GRM7: variants seen among roughly 807,000 people sequenced by gnomAD.
GRM7 encodes the protein glutamate metabotropic receptor 7.
In GRM7, 35 loss-of-function variants were observed where a neutral mutation model predicts 84.5. The observed-to-expected ratio is 0.41, with a 90% CI of 0.32 to 0.55. GRM7 has a LOEUF of 0.55. Ranked by LOEUF, GRM7 falls within the 20% of genes least tolerant of loss-of-function variation. The pLI, the probability that GRM7 is intolerant of heterozygous loss-of-function variation, is 0.19. For synonymous variants in GRM7, 487 were observed against 455.1 expected, an observed-to-expected ratio of 1.07 and a Z score of -0.89; for missense variants, 1,003 against 1,194.6, an observed-to-expected ratio of 0.84 and a Z score of 2.36.
Position 7,357,184 on chromosome 3 carries a change from G to C in GRM7, c.1033+50532G>C, listed in dbSNP as rs147874747. Among the ~76,000 whole-genome samples the C allele has an allele frequency of 6.1e-3, 933 of 151,764 alleles. 6 individuals are homozygous for C. The highest frequency in any genetic ancestry group is 0.021 in the African/African-American group (881 of 41,406). ...ATAAAGGTTCTGTTTTCTAGCATAA[G>C]CATTTGTATAATCTAAACTCCAAGA... On this transcript the variant is annotated intron_variant, in intron 4 of 9. Transcript: ENST00000357716.
At chr3:7,237,048 T>C (rs910663299) in intron 2 of GRM7, among the ~76,000 whole-genome samples, 2 of 152,202 alleles carry the variant, frequency 1.3e-5, no homozygotes, top group African/African-American at 2.4e-5. Context: ...AGTGCTTGTG[T>C]ATATGTAAAC....
chr3:7,281,019 G>C (rs1177855537), intron 2 of GRM7, among the ~76,000 whole-genome samples: 1 of 152,156 alleles, frequency 6.6e-6, no homozygotes, highest in Non-Finnish European at 1.5e-5. Flanking sequence ...AAAAGTGTCT[G>C]TTCTTTCGTG....
At chr3:7,403,152 CT>C (rs1219818338) in intron 4 of GRM7, 7 of 445,884 alleles carry the variant, frequency 1.6e-5, no homozygotes, top group African/African-American at 1.4e-4. Flanking sequence ...GTTTGTCTGG[CT>C]TTCTTTCTGT....
Position 6,861,342 on chromosome 3 carries a change from A to T in GRM7, c.-47A>T. 2 of 1,450,720 alleles carry T rather than the reference A, an allele frequency of 1.4e-6. No homozygotes were observed. The highest frequency in any genetic ancestry group is 1.8e-6 in the Non-Finnish European group (2 of 1,109,900). The allele number at this position is 1,450,720 out of a possible 1,614,324, so 89.9% of individuals were successfully genotyped here. A position where few individuals can be genotyped will look rare whatever the true frequency, so the allele number is the denominator to read the frequency against. ...GGGCCCGGACCTCGGCGAGCCCACC[A>T]CCGTTCCCTCCAGCGCCGCCGCCGC... On this transcript the variant is annotated 5_prime_UTR_variant, in exon 1 of 10. Coordinates refer to ENST00000357716, the MANE Select transcript of GRM7 (RefSeq NM_000844.4). This position sits in a 1 kb window ranked among gnomAD's most constrained non-coding sequence, Gnocchi z 6.4.
intron 2 of GRM7, among the ~76,000 whole-genome samples, chr3:7,232,208 G>A (rs1301383216): frequency 6.6e-6 from 1 of 151,906 alleles, no homozygotes; most frequent in Non-Finnish European, 1.5e-5. Flanking sequence ...TATGTATATG[G>A]GTGAACTCTC....
intron 7 of GRM7, among the ~76,000 whole-genome samples, chr3:7,550,510 CTTA>C (rs1356725442): frequency 1.5e-5 from 2 of 135,944 alleles, no homozygotes; most frequent in Non-Finnish European, 3.1e-5. Context: ...CCTCTTCCTT[CTTA>C]TTCTTCTTCT....
At chr3:7,247,733 C>A (rs1253759321) in intron 2 of GRM7, among the ~76,000 whole-genome samples, 2 of 151,404 alleles carry the variant, frequency 1.3e-5, no homozygotes, top group Non-Finnish European at 2.9e-5. Flanking sequence ...ATACCCCCAT[C>A]TCCATAATGT....
rs146742073 is a variant in GRM7, at chr3:7,484,004, CT to C, written c.1515+22283del. Among the ~76,000 whole-genome samples the C allele has an allele frequency of 2.6e-3, 402 of 152,126 alleles. 3 individuals are homozygous for C. Among genetic ancestry groups the C allele is most frequent in the African/African-American group, 9.3e-3 (387 of 41,512 alleles). On this transcript the variant is annotated intron_variant, in intron 7 of 9. Transcript: ENST00000357716. ...GAGATTAATATAATTGAATATGCTTCTGTTAAAAAAAATTTGGCTTCACACT... is the reference window on the plus strand; with the variant it reads ...GAGATTAATATAATTGAATATGCTTCGTTAAAAAAAATTTGGCTTCACACT...
At position 7,296,822 on chromosome 3, in the gene GRM7, A is replaced by T. The variant is rs553786250; in HGVS notation, c.737-1862A>T. The stretch of plus-strand genomic sequence containing the variant: ...TTATATTTTCAAAAACAGCTTTTTT[A>T]AAAAAAAAAAAAGCTGGGATCTTGC... On this transcript the variant is annotated intron_variant, in intron 2 of 9. Transcript: ENST00000357716. Among the ~76,000 whole-genome samples the T allele has an allele frequency of 4.0e-3, 535 of 133,608 alleles. 4 individuals carry two copies. The highest frequency in any genetic ancestry group is 0.011 in the South Asian group (50 of 4,436). 87.7% of individuals were successfully genotyped at this position (133,608 alleles called of 152,430 possible).
intron 2 of GRM7, among the ~76,000 whole-genome samples, chr3:7,212,591 A>G (rs954948522): frequency 6.6e-6 from 1 of 152,244 alleles, no homozygotes; most frequent in Non-Finnish European, 1.5e-5. Flanking sequence ...TCGGGAATAC[A>G]GGAAGAGAAG....
intron 7 of GRM7, among the ~76,000 whole-genome samples, chr3:7,509,249 T>G (rs1700125184): frequency 6.6e-6 from 1 of 152,206 alleles, no homozygotes; most frequent in Admixed American, 6.5e-5. Context: ...ACCACATTTA[T>G]GTAACTTTTG....
At chr3:7,312,919 C>CT (rs1176838154) in intron 4 of GRM7, among the ~76,000 whole-genome samples, 1 of 140,972 alleles carries the variant, frequency 7.1e-6, no homozygotes, top group East Asian at 2.0e-4. Context: ...CCTTCTCCTC[C>CT]TTTTTTTTCT....
At chr3:7,245,602 G>T (rs1293753455) in intron 2 of GRM7, among the ~76,000 whole-genome samples, 1 of 151,912 alleles carries the variant, frequency 6.6e-6, no homozygotes, top group East Asian at 1.9e-4. Flanking sequence ...CAAAAATGAA[G>T]TTGAAATGAA....
intron 4 of GRM7, among the ~76,000 whole-genome samples, chr3:7,374,079 G>T (rs1405177682): frequency 6.6e-6 from 1 of 152,058 alleles, no homozygotes; most frequent in South Asian, 2.1e-4. Context: ...TCTTAGCTTT[G>T]TTAGACAAGT....
intron 1 of GRM7, among the ~76,000 whole-genome samples, chr3:7,071,541 G>A (rs1329212101): frequency 2.6e-5 from 4 of 151,858 alleles, no homozygotes; most frequent in African/African-American, 7.3e-5. Flanking sequence ...TTGCATTCTC[G>A]GGTGAGCCAT....
intron 1 of GRM7, among the ~76,000 whole-genome samples, chr3:7,144,037 G>A (rs572052461): frequency 6.8e-4 from 104 of 152,170 alleles, no homozygotes; most frequent in South Asian, 2.3e-3. Flanking sequence ...TTACTGAGGC[G>A]CTTATATAAG....
intron 7 of GRM7, among the ~76,000 whole-genome samples, chr3:7,505,851 C>T (rs1303873164): frequency 6.6e-6 from 1 of 152,178 alleles, no homozygotes; most frequent in Middle Eastern, 3.2e-3. Context: ...TCTAAAATGT[C>T]TTCCAAGTTT....
chr3:7,262,503 A>AT (rs1698471002), intron 2 of GRM7, among the ~76,000 whole-genome samples: 1 of 152,046 alleles, frequency 6.6e-6, no homozygotes, highest in Non-Finnish European at 1.5e-5. Flanking sequence ...TTTCGGTATC[A>AT]TTTTATTGCA....
intron 2 of GRM7, among the ~76,000 whole-genome samples, chr3:7,161,997 C>A (rs957819448): frequency 2.0e-5 from 3 of 152,126 alleles, no homozygotes; most frequent in Admixed American, 6.5e-5. Flanking sequence ...TTGCTAATTA[C>A]TTGGCTGCAG....
Sources: allele counts gnomAD v4.1 joint callset (sites outside exome capture counted in the v4.1 genomes callset), GRCh38; gene constraint gnomAD v4.1.1; non-coding constraint Gnocchi (gnomAD v3.1); transcripts MANE v1.5; gene names NCBI Gene and HGNC (gene_info 2026-07-23, HGNC 2026-07-21).